CIMIP6: variants seen among roughly 807,000 people sequenced by gnomAD.
CIMIP6 encodes uncharacterized protein C2orf73.
the CIMIP6 span, among the ~76,000 whole-genome samples, chr2:54,346,007 A>T: frequency 6.6e-6 from 1 of 152,180 alleles, no homozygotes; most frequent in Non-Finnish European, 1.5e-5. Flanking sequence ...TAGAAAAGGG[A>T]ATTTATTTGG....
At chr2:54,370,709 C>CA in the CIMIP6 span, among the ~76,000 whole-genome samples, 1 of 152,118 alleles carries the variant, frequency 6.6e-6, no homozygotes, top group Admixed American at 6.5e-5. Flanking sequence ...TCCCTTGTGA[C>CA]ATGCATGGAG....
chr2:54,334,880 A>G, the CIMIP6 span: 1 of 1,561,418 alleles, frequency 6.4e-7, no homozygotes, highest in Non-Finnish European at 8.7e-7. Flanking sequence ...TTAAACACGA[A>G]GAAAAACCTG....
At chr2:54,338,261 G>A in the CIMIP6 span, among the ~76,000 whole-genome samples, 1 of 151,970 alleles carries the variant, frequency 6.6e-6, no homozygotes, top group African/African-American at 2.4e-5. Context: ...TAGTGAGACC[G>A]AGCGCTACAA....
the CIMIP6 span, among the ~76,000 whole-genome samples, chr2:54,353,541 G>C: frequency 3.9e-5 from 6 of 152,058 alleles, no homozygotes; most frequent in Non-Finnish European, 7.4e-5. Flanking sequence ...GATTGGGAGT[G>C]GGGGGAGGGG....
the CIMIP6 span, among the ~76,000 whole-genome samples, chr2:54,344,237 AC>A: frequency 6.6e-6 from 1 of 152,186 alleles, no homozygotes. Context: ...TGTAACAATG[AC>A]TTGTCCTTTA....
At chr2:54,355,812 G>A in the CIMIP6 span, among the ~76,000 whole-genome samples, 1 of 152,082 alleles carries the variant, frequency 6.6e-6, no homozygotes, top group South Asian at 2.1e-4. Flanking sequence ...ACTTTGTTCT[G>A]TATCTTTGAG....
At chr2:54,365,375 G>GA in the CIMIP6 span, among the ~76,000 whole-genome samples, 620 of 152,032 alleles carry the variant, frequency 4.1e-3, 6 homozygotes, top group African/African-American at 0.014. Context: ...AGACAATGTG[G>GA]AAAAAAATCC....
chr2:54,363,949 G>A, the CIMIP6 span, among the ~76,000 whole-genome samples: 3 of 152,204 alleles, frequency 2.0e-5, no homozygotes, highest in South Asian at 6.2e-4. Context: ...GGGGTCATAA[G>A]CCCAGTGAGT....
chr2:54,368,156 A>AG, the CIMIP6 span, among the ~76,000 whole-genome samples: 1 of 152,186 alleles, frequency 6.6e-6, no homozygotes, highest in Non-Finnish European at 1.5e-5. Context: ...TTCTGTAAAA[A>AG]CAATTTCATT....
chr2:54,332,785 G>GA, the CIMIP6 span, among the ~76,000 whole-genome samples: 1 of 152,088 alleles, frequency 6.6e-6, no homozygotes, highest in Non-Finnish European at 1.5e-5. Flanking sequence ...GAAACAGGTG[G>GA]AAAAAACTGA....
the CIMIP6 span, among the ~76,000 whole-genome samples, chr2:54,342,682 T>A: frequency 6.6e-6 from 1 of 152,084 alleles, no homozygotes; most frequent in African/African-American, 2.4e-5. Flanking sequence ...GTCAGTATTT[T>A]ACCTATTAGA....
the CIMIP6 span, among the ~76,000 whole-genome samples, chr2:54,335,645 G>A: frequency 6.6e-6 from 1 of 152,158 alleles, no homozygotes; most frequent in Non-Finnish European, 1.5e-5. Context: ...TACAAAGTCA[G>A]GTTTGTTGCG....
At chr2:54,333,407 C>T in the CIMIP6 span, among the ~76,000 whole-genome samples, 1 of 152,116 alleles carries the variant, frequency 6.6e-6, no homozygotes, top group African/African-American at 2.4e-5. Flanking sequence ...GAGCGAACAG[C>T]ATGTGCAGGT....
the CIMIP6 span, among the ~76,000 whole-genome samples, chr2:54,356,854 T>G: frequency 6.6e-6 from 1 of 152,198 alleles, no homozygotes; most frequent in Non-Finnish European, 1.5e-5. Flanking sequence ...GGATACTTCA[T>G]TACCACCACC....
chr2:54,374,830 G>A, the CIMIP6 span, among the ~76,000 whole-genome samples: 3 of 152,164 alleles, frequency 2.0e-5, no homozygotes, highest in Admixed American at 6.5e-5. Context: ...TTTTCCGCTG[G>A]CCCCTCGCCC....
At chr2:54,337,934 T>C in the CIMIP6 span, among the ~76,000 whole-genome samples, 2 of 152,070 alleles carry the variant, frequency 1.3e-5, no homozygotes, top group African/African-American at 4.8e-5. Flanking sequence ...TTTAAAAACA[T>C]AGCCTGGGCA....
the CIMIP6 span, chr2:54,360,360 C>T: frequency 6.2e-7 from 1 of 1,610,208 alleles, no homozygotes; most frequent in East Asian, 2.2e-5. Flanking sequence ...ATGATCTCAC[C>T]AGGTCTCTGC....
At chr2:54,375,851 A>AT in the CIMIP6 span, among the ~76,000 whole-genome samples, 3 of 150,802 alleles carry the variant, frequency 2.0e-5, no homozygotes, top group African/African-American at 7.4e-5. Context: ...GTATGTTCCA[A>AT]TTTTTTGTTT....
the CIMIP6 span, among the ~76,000 whole-genome samples, chr2:54,367,384 CA>C: frequency 6.6e-6 from 1 of 151,662 alleles, no homozygotes; most frequent in East Asian, 1.9e-4. Flanking sequence ...CCCCAACCTC[CA>C]AAAAAAATTG....
Sources: allele counts gnomAD v4.1 joint callset (sites outside exome capture counted in the v4.1 genomes callset), GRCh38; gene constraint gnomAD v4.1.1; transcripts MANE v1.5; gene names NCBI Gene and HGNC (gene_info 2026-07-23, HGNC 2026-07-21).